The following XYLT1 variants were observed in gnomAD, a reference collection of about 807,000 sequenced individuals.
XYLT1 encodes xylosyltransferase 1.
XYLT1 carries 36 observed loss-of-function variants against 91.3 expected under a neutral mutation model. That is an observed-to-expected ratio of 0.39 (90% confidence interval 0.30 to 0.52). The LOEUF (loss-of-function observed/expected upper bound fraction) is 0.52, where lower values mean the gene tolerates loss of function less well. Ranked by LOEUF, XYLT1 falls within the 20% of genes least tolerant of loss-of-function variation. The pLI is 0.68. For missense variants in XYLT1, 1,242 were observed against 1,284.5 expected (o/e 0.97, Z 0.51); for synonymous variants, 588 against 532.0 (o/e 1.11, Z -1.45).
chr16:17,381,030 T>A (rs1034599784), intron 1 of XYLT1, among the ~76,000 whole-genome samples: 5 of 152,184 alleles, frequency 3.3e-5, no homozygotes, highest in Non-Finnish European at 2.9e-5. Context: ...GGCTATACTT[T>A]GTTGTCGTTG....
At chr16:17,386,650 G>A (rs907138379) in intron 1 of XYLT1, among the ~76,000 whole-genome samples, 1 of 152,144 alleles carries the variant, frequency 6.6e-6, no homozygotes, top group Non-Finnish European at 1.5e-5. Context: ...TCCGTTGCAT[G>A]TCAATTGCAT....
chr16:17,459,982 C>A (rs978645157), intron 1 of XYLT1, among the ~76,000 whole-genome samples: 1 of 152,202 alleles, frequency 6.6e-6, no homozygotes, highest in African/African-American at 2.4e-5. Context: ...ACATGAGCCC[C>A]GTCTTCCATT....
chr16:17,112,461 T>A (rs1966843894), intron 11 of XYLT1, among the ~76,000 whole-genome samples: 1 of 151,782 alleles, frequency 6.6e-6, no homozygotes, highest in Non-Finnish European at 1.5e-5. Flanking sequence ...AAGAAAACAC[T>A]GGAAAAATCA....
chr16:17,435,785 T>C (rs1316949966), intron 1 of XYLT1, among the ~76,000 whole-genome samples: 2 of 152,236 alleles, frequency 1.3e-5, no homozygotes, highest in Admixed American at 6.5e-5. Flanking sequence ...TTTATTTTCA[T>C]CTTACATCAC....
chr16:17,372,519 C>T lies in XYLT1; in HGVS notation c.364-14469G>A, dbSNP rs562446566. The stretch of plus-strand genomic sequence containing the variant: ...CCATCAGTGTGAGGACTACAACTCT[C>T]CCAATGCTAATGTTCAAGAACAAGT... On this transcript the variant is annotated intron_variant, in intron 1 of 11. Transcript: ENST00000261381. 3.9e-5 allele frequency among the ~76,000 whole-genome samples: 6 copies of T among 152,312 alleles called. No homozygotes were observed. The South Asian group carries it at 1.2e-3, about 32-fold the overall frequency.
chr16:17,454,538 A>ATT (rs67567053), intron 1 of XYLT1, among the ~76,000 whole-genome samples: 5 of 145,332 alleles, frequency 3.4e-5, no homozygotes, highest in South Asian at 2.2e-4. Context: ...TATGATCGCA[A>ATT]TTTTTTTTTT....
intron 2 of XYLT1, among the ~76,000 whole-genome samples, chr16:17,295,503 G>A (rs1043366552): frequency 1.6e-4 from 24 of 152,188 alleles, no homozygotes; most frequent in Admixed American, 3.9e-4. Flanking sequence ...TTACAGGTGT[G>A]TGCTGCCATG....
chr16:17,153,490 T>G (rs2031330776), intron 6 of XYLT1, among the ~76,000 whole-genome samples: 1 of 152,204 alleles, frequency 6.6e-6, no homozygotes, highest in Admixed American at 6.5e-5. Context: ...AATGCAGTGG[T>G]GCAAGCCTCA....
At chr16:17,340,785 T>C (rs1460470235) in intron 2 of XYLT1, among the ~76,000 whole-genome samples, 1 of 152,338 alleles carries the variant, frequency 6.6e-6, no homozygotes, top group East Asian at 1.9e-4. Flanking sequence ...GGCTGGCACA[T>C]AGTAAATGCT....
chr16:17,357,881 G>C, intron 2 of XYLT1, 131 bp downstream of exon 2: 1 of 910,452 alleles, frequency 1.1e-6, no homozygotes, highest in Non-Finnish European at 1.7e-6. Flanking sequence ...ACATGTGCAG[G>C]CACACACACA....
rs572586491 is a variant in XYLT1, at chr16:17,412,403, C to A, written c.364-54353G>T. On this transcript the variant is annotated intron_variant, in intron 1 of 11. Transcript: ENST00000261381. ...AACACACACAAACCCCACACACATA[C>A]CAAGGATTCCAGAATTCTGGGCTTA... Among the ~76,000 whole-genome samples the A allele has an allele frequency of 7.2e-5, 11 of 152,168 alleles. No homozygotes were observed. In the South Asian group the frequency reaches 8.3e-4, roughly 11 times the overall value.
chr16:17,434,854 C>T (rs538303072), intron 1 of XYLT1, among the ~76,000 whole-genome samples: 17 of 148,932 alleles, frequency 1.1e-4, no homozygotes, highest in African/African-American at 3.0e-4. Context: ...GGCAACAGAG[C>T]GAGACCCTGT....
Position 17,127,844 on chromosome 16 carries a change from T to TG in XYLT1, c.2044dup (p.His682ProfsTer12). The TG allele has an allele frequency of 6.2e-7, 1 of 1,613,830 alleles. No individual in the cohort carries two copies. The highest frequency in any genetic ancestry group is 8.5e-7 in the Non-Finnish European group (1 of 1,179,930). On this transcript the variant is annotated frameshift_variant, in exon 10 of 12. Coordinates refer to ENST00000261381, the MANE Select transcript of XYLT1 (RefSeq NM_022166.4). LOFTEE classifies it high-confidence loss of function. ...GAAGTAGAGGTGCACAGATGCTGGGTGGCCCATTGGGTAGTATCTGAAAAC... is the reference window on the plus strand; with the variant it reads ...GAAGTAGAGGTGCACAGATGCTGGGTGGGCCCATTGGGTAGTATCTGAAAAC...
At position 17,156,358 on chromosome 16, in the gene XYLT1, G is replaced by A. The variant is rs77896754; in HGVS notation, c.1370+2471C>T. 5.0e-3 allele frequency among the ~76,000 whole-genome samples: 759 copies of A among 152,270 alleles called. 32 individuals carry two copies. The East Asian group carries it at 0.072, about 14-fold the overall frequency. On this transcript the variant is annotated intron_variant, in intron 6 of 11. Transcript: ENST00000261381. ...TACATTTACAATGGGCTCCTTTCTC[G>A]AGACACAACTTTGCACAAATCACCT...
At chr16:17,126,942 A>G (rs970405434) in intron 10 of XYLT1, among the ~76,000 whole-genome samples, 1 of 152,228 alleles carries the variant, frequency 6.6e-6, no homozygotes. Flanking sequence ...TCAATGAGTG[A>G]CCAGATAAAG....
Position 17,312,452 on chromosome 16 carries a change from G to A in XYLT1, c.402+45560C>T, listed in dbSNP as rs1317087326. Among the ~76,000 whole-genome samples, 1 of 152,142 alleles carries A rather than the reference G, an allele frequency of 6.6e-6. No homozygotes were observed. The stretch of plus-strand genomic sequence containing the variant: ...CTCAGGGCCTTACCCGCATTAACAT[G>A]TTTTTCTTTCTAACTTAAAAAAATA... On this transcript the variant is annotated intron_variant, in intron 2 of 11. Transcript: ENST00000261381. This position sits in a 1 kb window ranked among gnomAD's most constrained non-coding sequence, Gnocchi z 4.4.
At chr16:17,153,188 T>A (rs2031323597) in intron 6 of XYLT1, among the ~76,000 whole-genome samples, 1 of 152,218 alleles carries the variant, frequency 6.6e-6, no homozygotes, top group Non-Finnish European at 1.5e-5. Context: ...GGCTTTTCCA[T>A]ATATTAATTC....
chr16:17,377,120 T>C (rs1368040287), intron 1 of XYLT1, among the ~76,000 whole-genome samples: 1 of 147,006 alleles, frequency 6.8e-6, no homozygotes, highest in Non-Finnish European at 1.5e-5. Context: ...GAGGGTGCAG[T>C]GAGCCAAGAT....
At chr16:17,453,742 C>A (rs539964576) in intron 1 of XYLT1, among the ~76,000 whole-genome samples, 145 of 152,258 alleles carry the variant, frequency 9.5e-4, no homozygotes, top group Non-Finnish European at 1.9e-3. Context: ...GCAAGAAAAC[C>A]AGAAAGCCAG....
Sources: allele counts gnomAD v4.1 joint callset (sites outside exome capture counted in the v4.1 genomes callset), GRCh38; gene constraint gnomAD v4.1.1; non-coding constraint Gnocchi (gnomAD v3.1); transcripts MANE v1.5; gene names NCBI Gene and HGNC (gene_info 2026-07-23, HGNC 2026-07-21).